HTR1F: variants seen among roughly 807,000 people sequenced by gnomAD.
The protein encoded by HTR1F is 5-hydroxytryptamine receptor 1F.
A neutral mutation model predicts 24.0 loss-of-function variants in HTR1F; 17 were observed. The ratio of observed to expected loss-of-function variants is 0.71; its 90% CI spans 0.48 to 1.06. The LOEUF (loss-of-function observed/expected upper bound fraction) is 1.06, where lower values mean the gene tolerates loss of function less well. Among genes scored for constraint, HTR1F ranks in the 50% least tolerant of loss-of-function variants. HTR1F has a pLI of 0.00. For synonymous variants in HTR1F, 186 were observed against 156.8 expected (o/e 1.19, Z -1.39); for missense variants, 391 against 427.8 (o/e 0.91, Z 0.76).
At chr3:87,981,829 A>C (rs1705550115) in intron 2 of HTR1F, among the ~76,000 whole-genome samples, 1 of 152,178 alleles carries the variant, frequency 6.6e-6, no homozygotes, top group African/African-American at 2.4e-5. Flanking sequence ...TATTTTCTCA[A>C]GTGTGGCAGA....
At position 87,795,175 on chromosome 3, in the gene HTR1F, AAGGTTTCAC is replaced by A. The variant is rs1441159986; in HGVS notation, c.-160+2334_-160+2342del. On this transcript the variant is annotated intron_variant, in intron 1 of 2. Transcript: ENST00000319595. ...GCTAATTTGTATTTTTAGTAGAAAC[AAGGTTTCAC>A]CATGTTGGCCAGGATGGTCTCGATC... is the stretch of plus-strand genomic sequence containing the variant. Among the ~76,000 whole-genome samples the A allele has an allele frequency of 3.7e-4, 56 of 152,020 alleles. No individual in the cohort carries two copies. The East Asian group carries it at 6.0e-3, about 16-fold the overall frequency.
At position 87,991,712 on chromosome 3, in the gene HTR1F, A is replaced by G. The variant is rs748859479; in HGVS notation, c.963A>G (p.Lys321=). Residue 321 remains lysine, a synonymous_variant, in exon 3 of 3, where the codon AAA becomes AAG. Coordinates refer to ENST00000319595, the MANE Select transcript of HTR1F (RefSeq NM_001322209.2). ...VKELVVNVCD[K]CKISEEMSNF... ...AATTAGTTGTTAATGTCTGTGACAAATGTAAAATTTCTGAAGAAATGTCCA... is the reference window on the plus strand; with the variant it reads ...AATTAGTTGTTAATGTCTGTGACAAGTGTAAAATTTCTGAAGAAATGTCCA... 2.7e-5 allele frequency: 44 copies of G among 1,613,800 alleles called. No individual in the cohort carries two copies. In the Admixed American group the frequency reaches 4.8e-4, roughly 18 times the overall value.
intron 2 of HTR1F, among the ~76,000 whole-genome samples, chr3:87,872,240 T>C (rs1006074711): frequency 2.0e-4 from 30 of 152,122 alleles, no homozygotes; most frequent in African/African-American, 7.0e-4. Flanking sequence ...GCCAAAGTTA[T>C]GTATGAAGCA....
At chr3:87,936,980 T>C (rs1275300563) in intron 2 of HTR1F, among the ~76,000 whole-genome samples, 1 of 141,440 alleles carries the variant, frequency 7.1e-6, no homozygotes, top group Non-Finnish European at 1.5e-5. Flanking sequence ...TGAATAAAAA[T>C]AAATAGCCTA....
At position 87,991,995 on chromosome 3, in the gene HTR1F, G is replaced by T; in HGVS notation, c.*145G>T. On this transcript the variant is annotated 3_prime_UTR_variant, in exon 3 of 3. Transcript: ENST00000319595. ...TAAGGCTATAATTTATATTTTAATA[G>T]CAATGTGAATATAAAAGTTATTGAT... The T allele has an allele frequency of 1.6e-6, 1 of 608,468 alleles. No homozygotes were observed. The highest frequency in any genetic ancestry group is 3.2e-5 in the South Asian group (1 of 31,588). 37.7% of individuals were successfully genotyped at this position (608,468 alleles called of 1,614,324 possible). A position where few individuals can be genotyped will look rare whatever the true frequency, so the allele number is the denominator to read the frequency against.
intron 2 of HTR1F, among the ~76,000 whole-genome samples, chr3:87,911,368 A>C (rs1480497503): frequency 6.6e-6 from 1 of 152,060 alleles, no homozygotes; most frequent in African/African-American, 2.4e-5. Flanking sequence ...AAACCTAGAA[A>C]AGATGGATAA....
chr3:87,802,433 T>C (rs1328180078), intron 1 of HTR1F, among the ~76,000 whole-genome samples: 2 of 151,500 alleles, frequency 1.3e-5, no homozygotes, highest in Non-Finnish European at 2.9e-5. Context: ...AGCCTTGAAA[T>C]TTGGGGGCCA....
chr3:87,930,778 C>T (rs543697979), intron 2 of HTR1F, among the ~76,000 whole-genome samples: 6 of 152,170 alleles, frequency 3.9e-5, no homozygotes, highest in African/African-American at 1.2e-4. Context: ...GTGCCTAACA[C>T]ATAATTATCG....
intron 2 of HTR1F, among the ~76,000 whole-genome samples, chr3:87,932,006 C>G (rs1466038112): frequency 6.6e-6 from 1 of 152,122 alleles, no homozygotes; most frequent in African/African-American, 2.4e-5. Context: ...CCTGTTCACT[C>G]TGATGGTAGT....
At chr3:87,975,439 T>C (rs1705373839) in intron 2 of HTR1F, among the ~76,000 whole-genome samples, 1 of 152,178 alleles carries the variant, frequency 6.6e-6, no homozygotes, top group South Asian at 2.1e-4. Context: ...CTTTAAGTTT[T>C]CCTTTCTTAT....
chr3:87,935,851 T>A (rs1485540895), intron 2 of HTR1F, among the ~76,000 whole-genome samples: 6 of 150,466 alleles, frequency 4.0e-5, no homozygotes, highest in African/African-American at 1.5e-4. Flanking sequence ...TTCCCCACAT[T>A]TTTAGGATTT....
At chr3:87,850,159 G>A (rs1272253626) in intron 2 of HTR1F, among the ~76,000 whole-genome samples, 5 of 151,870 alleles carry the variant, frequency 3.3e-5, no homozygotes, top group South Asian at 2.1e-4. Flanking sequence ...ACATGCACAC[G>A]TAAGTTTATT....
intron 2 of HTR1F, among the ~76,000 whole-genome samples, chr3:87,884,008 T>A (rs1455793519): frequency 6.6e-6 from 1 of 152,044 alleles, no homozygotes; most frequent in East Asian, 1.9e-4. Context: ...ACAAAGGTAC[T>A]CCTCAAGAAG....
At chr3:87,989,224 A>T (rs1373234038) in intron 2 of HTR1F, among the ~76,000 whole-genome samples, 1 of 152,252 alleles carries the variant, frequency 6.6e-6, no homozygotes, top group South Asian at 2.1e-4. Flanking sequence ...AATGGACTAA[A>T]GCAAAACTTA....
At chr3:87,847,424 CA>C (rs1269639142) in intron 2 of HTR1F, among the ~76,000 whole-genome samples, 1 of 151,696 alleles carries the variant, frequency 6.6e-6, no homozygotes, top group East Asian at 1.9e-4. Flanking sequence ...CAATATTTTA[CA>C]TATTTATGGG....
intron 2 of HTR1F, among the ~76,000 whole-genome samples, chr3:87,851,060 C>A (rs1559605490): frequency 6.6e-6 from 1 of 151,722 alleles, no homozygotes; most frequent in Admixed American, 6.6e-5. Flanking sequence ...TACCTGCCAT[C>A]CCACCACCTA....
At chr3:87,934,295 T>C (rs1199279303) in intron 2 of HTR1F, among the ~76,000 whole-genome samples, 2 of 152,166 alleles carry the variant, frequency 1.3e-5, no homozygotes, top group African/African-American at 4.8e-5. Flanking sequence ...CTGTGCAAAG[T>C]TGTAGCATAC....
At chr3:87,848,420 C>T (rs537332392) in intron 2 of HTR1F, among the ~76,000 whole-genome samples, 23 of 151,646 alleles carry the variant, frequency 1.5e-4, no homozygotes, top group South Asian at 1.2e-3. Context: ...ATATTCCATG[C>T]GGAACAAGTA....
At chr3:87,960,729 A>G (rs1039707372) in intron 2 of HTR1F, among the ~76,000 whole-genome samples, 7 of 151,948 alleles carry the variant, frequency 4.6e-5, no homozygotes, top group Non-Finnish European at 7.4e-5. Flanking sequence ...TCCTACCTCT[A>G]TGCCTTTCCT....
Sources: allele counts gnomAD v4.1 joint callset (sites outside exome capture counted in the v4.1 genomes callset), GRCh38; gene constraint gnomAD v4.1.1; transcripts MANE v1.5; gene names NCBI Gene and HGNC (gene_info 2026-07-23, HGNC 2026-07-21).